The following CCDC39 variants were observed in gnomAD, a reference collection of about 807,000 sequenced individuals.
CCDC39 encodes coiled-coil domain 39 molecular ruler complex subunit.
In CCDC39, 113 loss-of-function variants were observed where a neutral mutation model predicts 121.0. That is an observed-to-expected ratio of 0.93 (90% CI 0.80 to 1.09). The LOEUF is 1.09. Among genes scored for constraint, CCDC39 ranks in the 50% least tolerant of loss-of-function variants. CCDC39 has a pLI of 0.00. For missense variants in CCDC39, 1,063 were observed against 1,074.7 expected (o/e 0.99, Z 0.15); for synonymous variants, 349 against 352.2 (o/e 0.99, Z 0.10).
chr3:180,668,236 G>A (rs536986441), intron 1 of CCDC39, among the ~76,000 whole-genome samples: 33 of 152,224 alleles, frequency 2.2e-4, no homozygotes, highest in East Asian at 1.2e-3. Flanking sequence ...AAAATTAGCC[G>A]GGTATGGTGG....
In CCDC39 at chr3:180,619,322, T is replaced by G. The variant is rs951219785; in HGVS notation, c.2202A>C (p.Arg734Ser). 6.5e-7 allele frequency: 1 copy of G among 1,544,458 alleles called. No homozygotes were observed. The highest frequency in any genetic ancestry group is 1.4e-5 in the African/African-American group (1 of 72,866). The change falls in exon 16 of 20, where the codon AGA becomes AGC. Residue 734 changes from arginine (R) to serine (S), a missense_variant. By Grantham distance (110) the Arg-to-Ser change is moderately radical. Transcript: ENST00000476379. ...ELKIQLEEQK[R>S]AVDEKYRYKQ... The stretch of plus-strand genomic sequence containing the variant: ...TGTATCTGTATTTTTCATCAACAGC[T>G]CTTTTTTGTTCTTCTAGTTGAATTT...
At chr3:180,674,563 CA>C (rs1712138403) in intron 1 of CCDC39, among the ~76,000 whole-genome samples, 1 of 152,148 alleles carries the variant, frequency 6.6e-6, no homozygotes, top group Admixed American at 6.5e-5. Context: ...TGCCAGTTTT[CA>C]AAGGGAATGC....
intron 1 of CCDC39, among the ~76,000 whole-genome samples, chr3:180,675,688 T>G (rs996127136): frequency 1.3e-5 from 2 of 152,242 alleles, no homozygotes; most frequent in East Asian, 1.9e-4. Flanking sequence ...GTGTCTTTGT[T>G]CTCATTGAAG....
intron 16 of CCDC39, 93 bp downstream of exon 16, chr3:180,619,166 T>C (rs1312561173): frequency 2.9e-6 from 2 of 699,088 alleles, no homozygotes; most frequent in Non-Finnish European, 5.1e-6. Flanking sequence ...TAAATAACTG[T>C]CTTCTTGGTG....
At chr3:180,636,919 A>C (rs1717843663) in intron 13 of CCDC39, among the ~76,000 whole-genome samples, 1 of 152,302 alleles carries the variant, frequency 6.6e-6, no homozygotes, top group African/African-American at 2.4e-5. Context: ...TACCACATAT[A>C]AAAATCAACT....
At chr3:180,634,317 G>A (rs967097372) in intron 13 of CCDC39, among the ~76,000 whole-genome samples, 101 of 152,104 alleles carry the variant, frequency 6.6e-4, no homozygotes, top group African/African-American at 2.2e-3. Context: ...TGCCTCATCC[G>A]TATTTGCAAC....
At chr3:180,625,979 T>C (rs1329398376) in intron 14 of CCDC39, among the ~76,000 whole-genome samples, 1 of 151,770 alleles carries the variant, frequency 6.6e-6, no homozygotes, top group Non-Finnish European at 1.5e-5. Flanking sequence ...TGCTCAGATG[T>C]TGGTAGTGGG....
At chr3:180,621,063 C>T (rs974868508) in intron 14 of CCDC39, among the ~76,000 whole-genome samples, 4 of 152,044 alleles carry the variant, frequency 2.6e-5, no homozygotes, top group Non-Finnish European at 2.9e-5. Flanking sequence ...TAAGGGCCTC[C>T]AGTTATATCT....
chr3:180,679,079 T>A lies in CCDC39; in HGVS notation c.90+212A>T, dbSNP rs556474510. On this transcript the variant is annotated intron_variant, in intron 1 of 19. Transcript: ENST00000476379. The surrounding 1 kb of genome is among the most constrained non-coding windows in gnomAD (Gnocchi z 4.0). ...AATTCGAGCTTTATAACCCTAAATG[T>A]CAATTATGGTTTTAATAGCATTTTT... Among the ~76,000 whole-genome samples, 44 of 152,172 alleles carry A rather than the reference T, an allele frequency of 2.9e-4. No homozygotes were observed. Among genetic ancestry groups the A allele is most frequent in the African/African-American group, 9.4e-4 (39 of 41,498 alleles).
intron 14 of CCDC39, among the ~76,000 whole-genome samples, chr3:180,630,223 A>G (rs1717662957): frequency 6.6e-6 from 1 of 152,120 alleles, no homozygotes; most frequent in Non-Finnish European, 1.5e-5. Flanking sequence ...CGATTTCCCA[A>G]TACCTAAAAA....
chr3:180,650,098 C>T (rs1718163447), intron 9 of CCDC39, among the ~76,000 whole-genome samples: 1 of 152,050 alleles, frequency 6.6e-6, no homozygotes, highest in Non-Finnish European at 1.5e-5. Flanking sequence ...TTTCAACCCC[C>T]CCAAACGAGT....
At chr3:180,667,696 T>C (rs946256604) in intron 1 of CCDC39, among the ~76,000 whole-genome samples, 3 of 152,090 alleles carry the variant, frequency 2.0e-5, no homozygotes, top group Non-Finnish European at 4.4e-5. Context: ...AACACAATAT[T>C]GAAATTAGGC....
chr3:180,642,670 TG>T (rs1259668198), intron 12 of CCDC39, among the ~76,000 whole-genome samples: 1 of 152,176 alleles, frequency 6.6e-6, no homozygotes, highest in Admixed American at 6.5e-5. Context: ...AAGATTTTAT[TG>T]TTTCATAAAC....
rs1717264165 is a variant in CCDC39, at chr3:180,616,842, T to C, written c.2390A>G (p.Glu797Gly). 1.2e-6 allele frequency: 2 copies of C among 1,610,396 alleles called. No homozygotes were observed. Among genetic ancestry groups the C allele is most frequent in the Admixed American group, 1.7e-5 (1 of 59,756 alleles). Residue 797 changes from glutamate to glycine, a missense_variant, in exon 17 of 20, where the codon GAA becomes GGA. Glu to Gly is a moderately conservative substitution (Grantham distance 98). Transcript: ENST00000476379. ...KETEEQKPKL[E>G]RVTKQCAKLT... ...TATCGATACCTGTTTGGTCACTCTT[T>C]CTAATTTTGGCTTCTGCTCCTCCGT...
chr3:180,647,066 T>C lies in CCDC39; in HGVS notation c.1527+13A>G. On this transcript the variant is annotated intron_variant, in intron 11 of 19. Transcript: ENST00000476379. Reference sequence around the variant, plus strand: ...GGATATTTGAAATATAAAATGTATTTTGGCTAAGTTACATGAAGCTTCTTG... The same window carrying C: ...GGATATTTGAAATATAAAATGTATTCTGGCTAAGTTACATGAAGCTTCTTG... 1 of 1,598,400 alleles carries C rather than the reference T, an allele frequency of 6.3e-7. No individual in the cohort carries two copies. Among genetic ancestry groups the C allele is most frequent in the Non-Finnish European group, 8.5e-7 (1 of 1,175,488 alleles).
At chr3:180,669,310 A>G (rs1374385472) in intron 1 of CCDC39, among the ~76,000 whole-genome samples, 1 of 152,136 alleles carries the variant, frequency 6.6e-6, no homozygotes, top group Non-Finnish European at 1.5e-5. Flanking sequence ...TCTGTCTAGT[A>G]TCACACACTT....
chr3:180,614,706 C>A lies in CCDC39; in HGVS notation c.*215G>T. On this transcript the variant is annotated 3_prime_UTR_variant, in exon 20 of 20. Coordinates refer to ENST00000476379, the MANE Select transcript of CCDC39 (RefSeq NM_181426.2). ...CAGCATTTTTCCTATGCTTGTATAA[C>A]ATGTAGCCTTGTCAAGAATCTGCTA... is the stretch of plus-strand genomic sequence containing the variant. 1 of 465,810 alleles carries A rather than the reference C, an allele frequency of 2.1e-6. No individual in the cohort carries two copies. The highest frequency in any genetic ancestry group is 3.8e-6 in the Non-Finnish European group (1 of 266,414). The allele number at this position is 465,810 out of a possible 1,614,324, so 28.9% of individuals were successfully genotyped here.
In CCDC39 at chr3:180,631,602, AAAAG is replaced by A. The variant is rs769889818; in HGVS notation, c.1875-14_1875-11del. The A allele has an allele frequency of 4.8e-5, 77 of 1,597,252 alleles. No individual in the cohort carries two copies. The highest frequency in any genetic ancestry group is 6.2e-5 in the Non-Finnish European group (73 of 1,175,282). On this transcript the variant is annotated splice_polypyrimidine_tract_variant and intron_variant, in intron 13 of 19. Coordinates refer to ENST00000476379, the MANE Select transcript of CCDC39 (RefSeq NM_181426.2). Reference sequence around the variant, plus strand: ...CTCGCGAAACTCAGTGCTAATAAGAAAAAGAAACACTGAGAAATGAATAACATAC... The same window carrying A: ...CTCGCGAAACTCAGTGCTAATAAGAAAAACACTGAGAAATGAATAACATAC...
intron 14 of CCDC39, among the ~76,000 whole-genome samples, chr3:180,623,076 T>C (rs962300131): frequency 8.0e-6 from 1 of 125,280 alleles, no homozygotes; most frequent in Non-Finnish European, 1.6e-5. Flanking sequence ...TGTTTGGAGA[T>C]TTTTATTATT....
Sources: allele counts gnomAD v4.1 joint callset (sites outside exome capture counted in the v4.1 genomes callset), GRCh38; gene constraint gnomAD v4.1.1; non-coding constraint Gnocchi (gnomAD v3.1); transcripts MANE v1.5; gene names NCBI Gene and HGNC (gene_info 2026-07-23, HGNC 2026-07-21).